The following GLB1L3 variants were observed in gnomAD, a reference collection of about 807,000 sequenced individuals.
GLB1L3 encodes beta-galactosidase-1-like protein 3.
A neutral mutation model predicts 89.5 loss-of-function variants in GLB1L3; 89 were observed. The observed-to-expected ratio is 0.99, with a 90% CI of 0.84 to 1.19. GLB1L3 has a LOEUF of 1.19. Ranked by LOEUF, GLB1L3 falls within the 50% of genes most tolerant of loss-of-function variation. GLB1L3 has a pLI of 0.00. For missense variants in GLB1L3, 812 were observed against 813.3 expected (o/e 1.00, Z 0.02); for synonymous variants, 314 against 312.3 (o/e 1.01, Z -0.06).
intron 15 of GLB1L3, 56 bp from the exon 16 acceptor site, chr11:134,313,340 T>C: frequency 7.1e-7 from 1 of 1,405,148 alleles, no homozygotes; most frequent in South Asian, 1.2e-5. Context: ...AAACGGGTTG[T>C]CGGGTAGACG....
chr11:134,286,914 A>T (rs1175916560), intron 6 of GLB1L3, among the ~76,000 whole-genome samples: 1 of 151,606 alleles, frequency 6.6e-6, no homozygotes, highest in African/African-American at 2.4e-5. Context: ...TAATTCCAGC[A>T]CTTTGGGAGG....
chr11:134,292,354 T>A, intron 8 of GLB1L3, 141 bp downstream of exon 8: 2 of 614,674 alleles, frequency 3.3e-6, no homozygotes, highest in South Asian at 2.1e-5. Context: ...GAGTTCGATG[T>A]TACAATAAAT....
intron 3 of GLB1L3, among the ~76,000 whole-genome samples, chr11:134,278,188 G>A (rs1208987104): frequency 6.6e-6 from 1 of 152,068 alleles, no homozygotes; most frequent in African/African-American, 2.4e-5. Flanking sequence ...AACACCAGGC[G>A]CCCTTGGGAG....
Position 134,319,118 on chromosome 11 carries a change from C to T in GLB1L3, c.*176C>T, listed in dbSNP as rs1212062993. ...TACAGGTGCACGCCACCACGCCTGG[C>T]TAATTTTTTGTATTTTTAGTAGAGA... is the stretch of plus-strand genomic sequence containing the variant. On this transcript the variant is annotated 3_prime_UTR_variant, in exon 20 of 20. Coordinates refer to ENST00000431683, the MANE Select transcript of GLB1L3 (RefSeq NM_001080407.3). The T allele has an allele frequency of 1.1e-5, 6 of 562,648 alleles. No homozygotes were observed. Among genetic ancestry groups the T allele is most frequent in the Non-Finnish European group, 1.9e-5 (6 of 316,518 alleles). The allele number at this position is 562,648 out of a possible 1,614,324, so 34.9% of individuals were successfully genotyped here.
chr11:134,315,044 C>G (rs958192314), intron 18 of GLB1L3, among the ~76,000 whole-genome samples: 1 of 152,130 alleles, frequency 6.6e-6, no homozygotes. Context: ...CTTCTAACAC[C>G]CTAGGCCAGT....
chr11:134,292,970 G>T, intron 8 of GLB1L3, 175 bp from the exon 9 acceptor site: 1 of 650,390 alleles, frequency 1.5e-6, no homozygotes, highest in Non-Finnish European at 2.8e-6. Context: ...CAGGGATGTG[G>T]CGATGGCCGT....
At chr11:134,283,501 C>T (rs751828162) in intron 5 of GLB1L3, among the ~76,000 whole-genome samples, 2 of 152,178 alleles carry the variant, frequency 1.3e-5, no homozygotes, top group Non-Finnish European at 2.9e-5. Context: ...AAGGCCTTTC[C>T]GAAGTTGTGA....
chr11:134,285,856 CAT>C (rs1249364810), intron 6 of GLB1L3, among the ~76,000 whole-genome samples: 1 of 150,642 alleles, frequency 6.6e-6, no homozygotes, highest in Non-Finnish European at 1.5e-5. Flanking sequence ...ATATGGCAAA[CAT>C]ATAGATCTAG....
intron 9 of GLB1L3, among the ~76,000 whole-genome samples, chr11:134,306,067 T>C (rs886332950): frequency 1.2e-4 from 18 of 152,120 alleles, no homozygotes; most frequent in Non-Finnish European, 2.2e-4. Context: ...GAATTTCCTT[T>C]AACTGAAGTA....
At chr11:134,288,977 C>A in intron 7 of GLB1L3, 87 bp downstream of exon 7, 1 of 894,238 alleles carries the variant, frequency 1.1e-6, no homozygotes. Context: ...AGTGATCGGG[C>A]TGGACACTGT....
At chr11:134,309,601 T>A (rs751496420) in intron 10 of GLB1L3, 25 bp from the exon 11 acceptor site, 4 of 1,545,080 alleles carry the variant, frequency 2.6e-6, no homozygotes, top group Non-Finnish European at 2.6e-6. Flanking sequence ...TAACATTCTC[T>A]GTGTTCTCAT....
At chr11:134,312,245 G>T in intron 13 of GLB1L3, 104 bp from the exon 14 acceptor site, 1 of 1,304,440 alleles carries the variant, frequency 7.7e-7, no homozygotes, top group South Asian at 1.4e-5. Flanking sequence ...CCCATTTGAA[G>T]AACCCTTGGG....
intron 18 of GLB1L3, among the ~76,000 whole-genome samples, chr11:134,316,397 G>A (rs955916398): frequency 2.6e-5 from 4 of 152,094 alleles, no homozygotes; most frequent in African/African-American, 9.7e-5. Context: ...GAAAAAATAA[G>A]TTGTAAGACA....
intron 10 of GLB1L3, among the ~76,000 whole-genome samples, chr11:134,308,230 C>T (rs1942340585): frequency 7.0e-5 from 2 of 28,738 alleles, no homozygotes; most frequent in Middle Eastern, 0.013. Flanking sequence ...CCATCACCAC[C>T]ACCACCATCA....
chr11:134,310,664 C>A lies in GLB1L3; in HGVS notation c.1180+13C>A. 1 of 1,600,932 alleles carries A rather than the reference C, an allele frequency of 6.2e-7. No individual in the cohort carries two copies. Among genetic ancestry groups the A allele is most frequent in the Non-Finnish European group, 8.6e-7 (1 of 1,168,568 alleles). ...CAATCTGTCTCAGGTACTCAGCACC[C>A]ATTTAACTTACGGGCCAGCCCTCCT... On this transcript the variant is annotated intron_variant, in intron 12 of 19. Transcript: ENST00000431683.
intron 5 of GLB1L3, 82 bp downstream of exon 5, chr11:134,282,202 GAAAGT>G (rs1321464110): frequency 7.0e-7 from 1 of 1,430,430 alleles, no homozygotes; most frequent in African/African-American, 1.5e-5. Context: ...TAGTAACAAG[GAAAGT>G]AACCTTTATT....
chr11:134,319,889 T>G (rs1943141182), downstream of GLB1L3, among the ~76,000 whole-genome samples: 1 of 152,060 alleles, frequency 6.6e-6, no homozygotes, highest in African/African-American at 2.4e-5. Flanking sequence ...GAACAGAAAT[T>G]TGGTCATTTG....
At chr11:134,314,963 A>C (rs929324883) in intron 18 of GLB1L3, among the ~76,000 whole-genome samples, 3 of 152,228 alleles carry the variant, frequency 2.0e-5, no homozygotes, top group Admixed American at 1.3e-4. Context: ...AAATGATCAC[A>C]AAGTGAACAC....
chr11:134,313,442 A>T lies in GLB1L3; in HGVS notation c.1547A>T (p.Asn516Ile). Residue 516 changes from asparagine to isoleucine, a missense_variant, in exon 16 of 20, where the codon AAT (asparagine) becomes ATT (isoleucine). Physicochemically the swap from Asn to Ile is moderately radical, Grantham distance 149 (BLOSUM62 -3). Around this residue, in one of 3 missense-constraint regions of GLB1L3, gnomAD observed 618 missense variants for 604.0 expected, o/e 1.02. Coordinates refer to ENST00000431683, the MANE Select transcript of GLB1L3 (RefSeq NM_001080407.3). Reference sequence around the variant, plus strand: ...CTGGTGGAGAATCAAGGACGAGTCAATTTTTCATGGCAAATACAGAATGAG... The same window carrying T: ...CTGGTGGAGAATCAAGGACGAGTCATTTTTTCATGGCAAATACAGAATGAG... ...RILVENQGRV[N>I]FSWQIQNEQK... is the part of the protein sequence containing the mutation. 1 of 1,581,956 alleles carries T rather than the reference A, an allele frequency of 6.3e-7. No individual in the cohort carries two copies. The highest frequency in any genetic ancestry group is 1.8e-5 in the Admixed American group (1 of 55,256).
Sources: allele counts gnomAD v4.1 joint callset (sites outside exome capture counted in the v4.1 genomes callset), GRCh38; gene constraint gnomAD v4.1.1; regional missense constraint gnomAD v4.1.1; transcripts MANE v1.5; gene names NCBI Gene and HGNC (gene_info 2026-07-23, HGNC 2026-07-21).